Variants in PIR observed in about 807,000 individuals in gnomAD.
PIR encodes pirin.
PIR carries 22 observed loss-of-function variants against 24.2 expected under a neutral mutation model. That is an observed-to-expected ratio of 0.91 (90% CI 0.65 to 1.30). The LOEUF is 1.30. PIR is among the 50% of genes most tolerant of loss of function. The pLI, the probability that PIR is intolerant of heterozygous loss-of-function variation, is 0.00. For missense variants in PIR, 220 were observed against 220.3 expected (o/e 1.00, Z 0.01); for synonymous variants, 80 against 79.6 (o/e 1.00, Z -0.03).
At chrX:15,419,418 G>C (rs759892245) in intron 6 of PIR, among the ~76,000 whole-genome samples, 10 of 108,156 alleles carry the variant, frequency 9.2e-5, no homozygotes, top group Non-Finnish European at 1.7e-4. Flanking sequence ...GGGAGGGAGA[G>C]AGAGAGAGAG....
At chrX:15,487,291 T>C (rs932989408) in intron 2 of PIR, among the ~76,000 whole-genome samples, 1 of 110,180 alleles carries the variant, frequency 9.1e-6, no homozygotes, top group Admixed American at 9.7e-5. Flanking sequence ...TTTGATGATA[T>C]TAAGGGATTT....
At chrX:15,454,392 A>AT (rs1294454128) in intron 5 of PIR, among the ~76,000 whole-genome samples, 95 of 109,862 alleles carry the variant, frequency 8.6e-4, no homozygotes, top group African/African-American at 2.9e-3. Flanking sequence ...GTGAACTTTG[A>AT]TTTTTTTGTC....
rs180708754 is a variant in PIR, at chrX:15,384,931, A to G, written c.*73T>C. On this transcript the variant is annotated 3_prime_UTR_variant, in exon 10 of 10. Coordinates refer to ENST00000380420, the MANE Select transcript of PIR (RefSeq NM_001018109.3). The stretch of plus-strand genomic sequence containing the variant: ...CCGGCTAAATAAGCTTTAGAAATGG[A>G]ATGCCTTCAATGGCTCAATCTCAGA... The G allele has an allele frequency of 3.0e-3, 1,524 of 509,052 alleles. 38 individuals are homozygous for G. The Admixed American group carries it at 0.043, about 14-fold the overall frequency. The allele number at this position is 509,052 out of a possible 1,213,427, so 42.0% of individuals were successfully genotyped here.
chrX:15,480,460 T>C (rs1437133971), intron 2 of PIR, among the ~76,000 whole-genome samples: 1 of 112,074 alleles, frequency 8.9e-6, no homozygotes, highest in Non-Finnish European at 1.9e-5. Context: ...AATAGTCAAG[T>C]ATAAACAAGA....
intron 5 of PIR, among the ~76,000 whole-genome samples, chrX:15,448,527 A>G (rs1032722499): frequency 1.8e-5 from 2 of 112,049 alleles, no homozygotes; most frequent in Admixed American, 1.9e-4. Flanking sequence ...ATGCCCTACT[A>G]TTTAAAACCT....
chrX:15,425,172 A>C (rs975586611), intron 6 of PIR, among the ~76,000 whole-genome samples: 1 of 110,887 alleles, frequency 9.0e-6, no homozygotes, highest in South Asian at 3.8e-4. Context: ...TCAAGTATGC[A>C]CTTGTGTATA....
intron 7 of PIR, among the ~76,000 whole-genome samples, chrX:15,399,484 A>T (rs765064818): frequency 9.0e-6 from 1 of 111,655 alleles, no homozygotes; most frequent in East Asian, 2.8e-4. Context: ...TGTCCTCCCA[A>T]GGGGGGTCTA....
At position 15,385,117 on chromosome X, in the gene PIR, C is replaced by T; in HGVS notation, c.761-1G>A. 1 of 1,057,880 alleles carries T rather than the reference C, an allele frequency of 9.5e-7. No homozygotes were observed. The highest frequency in any genetic ancestry group is 2.5e-4 in the Middle Eastern group (1 of 3,990). 87.2% of individuals were successfully genotyped at this position (1,057,880 alleles called of 1,213,427 possible). A position where few individuals can be genotyped will look rare whatever the true frequency, so the allele number is the denominator to read the frequency against. On this transcript the variant is annotated splice_acceptor_variant, in intron 9 of 9. Coordinates refer to ENST00000380420, the MANE Select transcript of PIR (RefSeq NM_001018109.3). LOFTEE classifies it high-confidence loss of function. ...TCATTGGTGTTCATCACAAATGGACCTAGGGCAGAAAGAGACATTCAGAAA... is the reference window on the plus strand; with the variant it reads ...TCATTGGTGTTCATCACAAATGGACTTAGGGCAGAAAGAGACATTCAGAAA...
chrX:15,480,118 T>C (rs942727423), intron 2 of PIR, among the ~76,000 whole-genome samples: 1 of 109,918 alleles, frequency 9.1e-6, no homozygotes, highest in Non-Finnish European at 1.9e-5. Flanking sequence ...CTTGTGACAG[T>C]GAATGGGTCT....
chrX:15,388,525 C>T (rs941758910), intron 9 of PIR, among the ~76,000 whole-genome samples: 3 of 112,080 alleles, frequency 2.7e-5, no homozygotes, highest in South Asian at 3.6e-4. Context: ...GAAGGTTAGA[C>T]GGATTAACAT....
chrX:15,413,079 A>G (rs1178799819), intron 6 of PIR, among the ~76,000 whole-genome samples: 1 of 112,663 alleles, frequency 8.9e-6, no homozygotes, highest in Non-Finnish European at 1.9e-5. Flanking sequence ...ATGTCCTTAT[A>G]CATCTGTACA....
chrX:15,400,376 C>A (rs995601333), intron 7 of PIR, among the ~76,000 whole-genome samples: 18 of 111,688 alleles, frequency 1.6e-4, no homozygotes, highest in African/African-American at 5.5e-4. Flanking sequence ...TGTATAACAC[C>A]CATTACCCAC....
chrX:15,431,679 C>A (rs866297545), intron 5 of PIR, among the ~76,000 whole-genome samples: 1 of 104,950 alleles, frequency 9.5e-6, no homozygotes, highest in South Asian at 4.3e-4. Flanking sequence ...CCACCCCCCC[C>A]CCGAAAACCT....
intron 3 of PIR, among the ~76,000 whole-genome samples, chrX:15,461,119 C>T (rs1163550822): frequency 9.0e-6 from 1 of 111,656 alleles, no homozygotes; most frequent in Non-Finnish European, 1.9e-5. Flanking sequence ...TTCAGCCCAG[C>T]AGATGATGGT....
chrX:15,443,151 A>T lies in PIR; in HGVS notation c.480+12697T>A, dbSNP rs759436011. Among the ~76,000 whole-genome samples the T allele has an allele frequency of 4.5e-5, 5 of 112,032 alleles. No individual in the cohort carries two copies. The South Asian group carries it at 1.5e-3, about 33-fold the overall frequency. On this transcript the variant is annotated intron_variant, in intron 5 of 9. Coordinates refer to ENST00000380420, the MANE Select transcript of PIR (RefSeq NM_001018109.3). The stretch of plus-strand genomic sequence containing the variant: ...GAAGCCAGTGTTCATTTACCATTGT[A>T]AAAATCCTAGGGCCCTTAAGAATTA...
intron 2 of PIR, among the ~76,000 whole-genome samples, chrX:15,490,209 C>T: frequency 8.9e-6 from 1 of 111,762 alleles, no homozygotes; most frequent in African/African-American, 3.3e-5. Context: ...TAAAACATAA[C>T]TAAAAAAATT....
intron 2 of PIR, among the ~76,000 whole-genome samples, chrX:15,486,298 CA>C (rs59774013): frequency 4.5e-4 from 18 of 39,627 alleles, no homozygotes; most frequent in South Asian, 1.2e-3. Context: ...GACTCTGTCT[CA>C]AAAAAAAAAA....
In PIR at chrX:15,385,729, CT is replaced by C. The variant is rs1349202636; in HGVS notation, c.761-614del. ...TTAGATTTTGTGGGTCAAACAGTGTCTGTCTCAACTACTCAACTCTTTCATC... is the reference window on the plus strand; with the variant it reads ...TTAGATTTTGTGGGTCAAACAGTGTCGTCTCAACTACTCAACTCTTTCATC... On this transcript the variant is annotated intron_variant, in intron 9 of 9. Transcript: ENST00000380420. 7.6e-4 allele frequency among the ~76,000 whole-genome samples: 85 copies of C among 112,240 alleles called. 1 individual carries two copies. In the Admixed American group the frequency reaches 8.0e-3, roughly 11 times the overall value.
intron 7 of PIR, among the ~76,000 whole-genome samples, chrX:15,399,843 A>T (rs1021644634): frequency 1.8e-5 from 2 of 111,689 alleles, no homozygotes; most frequent in African/African-American, 6.5e-5. Context: ...ACTGACTTTA[A>T]AAACATTATT....
Sources: allele counts gnomAD v4.1 joint callset (sites outside exome capture counted in the v4.1 genomes callset), GRCh38; gene constraint gnomAD v4.1.1; transcripts MANE v1.5; gene names NCBI Gene and HGNC (gene_info 2026-07-23, HGNC 2026-07-21).